Variants in ODAD2 observed in about 807,000 individuals in gnomAD.
ODAD2 encodes the protein outer dynein arm-docking complex subunit 2.
ODAD2 carries 89 observed loss-of-function variants against 106.8 expected under a neutral mutation model. The ratio of observed to expected loss-of-function variants is 0.83; its 90% CI spans 0.70 to 0.99. The LOEUF is 0.99. ODAD2 is among the 50% of genes least tolerant of loss of function. The pLI, the probability that ODAD2 is intolerant of heterozygous loss-of-function variation, is 0.00. For synonymous variants in ODAD2, 404 were observed against 436.2 expected, an observed-to-expected ratio of 0.93 and a Z score of 0.92; for missense variants, 1,168 against 1,238.5, an observed-to-expected ratio of 0.94 and a Z score of 0.85.
chr10:27,817,410 C>A (rs1836224565), intron 19 of ODAD2, among the ~76,000 whole-genome samples: 1 of 152,116 alleles, frequency 6.6e-6, no homozygotes, highest in South Asian at 2.1e-4. Context: ...ATATATTGCA[C>A]AGTGGTGAAG....
Position 27,995,185 on chromosome 10 carries a change from A to G in ODAD2, c.-38-5T>C, listed in dbSNP as rs763855258. 6.2e-7 allele frequency: 1 copy of G among 1,602,366 alleles called. No individual in the cohort carries two copies. The highest frequency in any genetic ancestry group is 8.5e-7 in the Non-Finnish European group (1 of 1,173,060). On this transcript the variant is annotated splice_region_variant and splice_polypyrimidine_tract_variant and intron_variant, in intron 1 of 19. Coordinates refer to ENST00000305242, the MANE Select transcript of ODAD2 (RefSeq NM_018076.5). ...GACCTGAGCTTAGCACACGCACTAC[A>G]TCAGAGCAGAAAGAGAAAGAGACAA...
intron 19 of ODAD2, among the ~76,000 whole-genome samples, chr10:27,848,500 C>A (rs1038405256): frequency 6.6e-6 from 1 of 151,356 alleles, no homozygotes; most frequent in Non-Finnish European, 1.5e-5. Flanking sequence ...TAGGCATGGG[C>A]AAGGACTTCA....
intron 10 of ODAD2, 136 bp from the exon 11 acceptor site, chr10:27,945,098 C>A (rs7915894): frequency 2.0e-6 from 2 of 988,746 alleles, no homozygotes; most frequent in East Asian, 2.4e-5. Context: ...CAGGTAGAGC[C>A]GAAGCATGGA....
intron 17 of ODAD2, among the ~76,000 whole-genome samples, chr10:27,873,872 C>G (rs920755105): frequency 2.6e-5 from 4 of 152,074 alleles, no homozygotes; most frequent in African/African-American, 9.7e-5. Flanking sequence ...TCTATTAGGT[C>G]CACTTGGTGC....
At chr10:27,970,065 C>T (rs1043345950) in intron 8 of ODAD2, among the ~76,000 whole-genome samples, 1 of 151,586 alleles carries the variant, frequency 6.6e-6, no homozygotes, top group African/African-American at 2.4e-5. Context: ...AAGTTTGTGC[C>T]ACTGCAGCCT....
chr10:27,933,726 A>G (rs1479435732), intron 16 of ODAD2, among the ~76,000 whole-genome samples: 1 of 152,250 alleles, frequency 6.6e-6, no homozygotes, highest in African/African-American at 2.4e-5. Context: ...TCTAATGAAT[A>G]GCAAAGTGCG....
At chr10:27,851,372 A>C (rs1197265875) in intron 19 of ODAD2, among the ~76,000 whole-genome samples, 3 of 152,170 alleles carry the variant, frequency 2.0e-5, no homozygotes, top group Non-Finnish European at 2.9e-5. Flanking sequence ...CTGTTCCCCC[A>C]AAAAATAAAA....
intron 5 of ODAD2, 80 bp from the exon 6 acceptor site, chr10:27,984,059 T>C (rs1849724974): frequency 6.5e-7 from 1 of 1,545,704 alleles, no homozygotes; most frequent in Non-Finnish European, 8.8e-7. Context: ...ACAAAATAAA[T>C]ATTGTGGAAA....
rs113640964 is a variant in ODAD2, at chr10:27,975,217, A to G, written c.937-3904T>C. ...AACTGAATTCCTCAAAATTTCTTCA[A>G]ACACAAACATGACTAGATTAAATTA... On this transcript the variant is annotated intron_variant, in intron 7 of 19. Transcript: ENST00000305242. Among the ~76,000 whole-genome samples the G allele has an allele frequency of 2.3e-3, 354 of 152,340 alleles. 2 individuals carry two copies. The highest frequency in any genetic ancestry group is 8.2e-3 in the African/African-American group (342 of 41,586).
intron 12 of ODAD2, among the ~76,000 whole-genome samples, chr10:27,941,555 C>G (rs1202410271): frequency 6.9e-6 from 1 of 144,254 alleles, no homozygotes; most frequent in Admixed American, 7.0e-5. Flanking sequence ...TCATGTGCTA[C>G]TGAAACCAAC....
chr10:27,828,317 G>A (rs1012521520), intron 19 of ODAD2, among the ~76,000 whole-genome samples: 5 of 152,198 alleles, frequency 3.3e-5, no homozygotes, highest in Non-Finnish European at 4.4e-5. Flanking sequence ...GTTAGGAGAT[G>A]AGCAAGTAGG....
At chr10:27,888,180 T>C (rs1353445069) in intron 17 of ODAD2, among the ~76,000 whole-genome samples, 1 of 152,162 alleles carries the variant, frequency 6.6e-6, no homozygotes, top group Non-Finnish European at 1.5e-5. Flanking sequence ...AGATACCCAG[T>C]AGTGGTATTG....
intron 9 of ODAD2, among the ~76,000 whole-genome samples, chr10:27,963,793 T>G (rs967095647): frequency 1.4e-5 from 2 of 138,696 alleles, no homozygotes; most frequent in Admixed American, 1.5e-4. Context: ...TACCCTTTTT[T>G]GAAGTGAGTT....
At chr10:27,865,171 C>A (rs1056289773) in intron 17 of ODAD2, among the ~76,000 whole-genome samples, 1 of 152,162 alleles carries the variant, frequency 6.6e-6, no homozygotes, top group Non-Finnish European at 1.5e-5. Context: ...TGCCTTGACA[C>A]CTCTTCTCCA....
At chr10:27,863,808 A>G (rs2133356312) in intron 17 of ODAD2, among the ~76,000 whole-genome samples, 1 of 150,296 alleles carries the variant, frequency 6.7e-6, no homozygotes, top group South Asian at 2.1e-4. Context: ...TGACAGCGAG[A>G]GAGAAGGTGA....
In ODAD2 at chr10:27,945,055, GTC is replaced by G. The variant is rs1846795480; in HGVS notation, c.1387-95_1387-94del. ...TACGAATCCATGAACTGGAAAACAT[GTC>G]TCTGAGTGGGCTAGAATTTGTTAAA... is the stretch of plus-strand genomic sequence containing the variant. On this transcript the variant is annotated intron_variant, in intron 10 of 19. Transcript: ENST00000305242. 3.5e-6 allele frequency: 5 copies of G among 1,433,204 alleles called. No homozygotes were observed. In the Admixed American group the frequency reaches 8.9e-5, roughly 26 times the overall value. 88.8% of individuals were successfully genotyped at this position (1,433,204 alleles called of 1,614,324 possible). A position where few individuals can be genotyped will look rare whatever the true frequency, so the allele number is the denominator to read the frequency against.
intron 16 of ODAD2, among the ~76,000 whole-genome samples, chr10:27,912,591 C>T (rs1844087216): frequency 6.6e-6 from 1 of 152,066 alleles, no homozygotes; most frequent in Non-Finnish European, 1.5e-5. Flanking sequence ...TGTAGGGTTT[C>T]TTTCTGGCAA....
intron 2 of ODAD2, among the ~76,000 whole-genome samples, chr10:27,988,010 T>TG (rs1849986573): frequency 6.7e-6 from 1 of 150,100 alleles, no homozygotes; most frequent in African/African-American, 2.5e-5. Context: ...AAAAAAACTA[T>TG]GAAAAAAAAA....
intron 19 of ODAD2, among the ~76,000 whole-genome samples, chr10:27,849,851 C>T (rs866420119): frequency 2.6e-5 from 4 of 152,072 alleles, no homozygotes; most frequent in South Asian, 2.1e-4. Flanking sequence ...TTTTTAAAGT[C>T]GCAAAAGCTA....
Sources: allele counts gnomAD v4.1 joint callset (sites outside exome capture counted in the v4.1 genomes callset), GRCh38; gene constraint gnomAD v4.1.1; transcripts MANE v1.5; gene names NCBI Gene and HGNC (gene_info 2026-07-23, HGNC 2026-07-21).